Variants in TCERG1 observed in about 807,000 individuals in gnomAD.
TCERG1 encodes the protein transcription elongation regulator 1, also known as TATA box binding protein (TBP)-associated factor, RNA polymerase II, S, 150kD.
In TCERG1, 37 loss-of-function variants were observed where a neutral mutation model predicts 144.7. The observed-to-expected ratio is 0.26, with a 90% CI of 0.20 to 0.34. TCERG1 has a LOEUF of 0.34. TCERG1 is among the 10% of genes least tolerant of loss of function. The pLI is 1.00. For synonymous variants in TCERG1, 492 were observed against 458.2 expected, an observed-to-expected ratio of 1.07 and a Z score of -0.94; for missense variants, 1,027 against 1,380.7, an observed-to-expected ratio of 0.74 and a Z score of 4.06.
chr5:146,489,874 C>T (rs1766229798), intron 15 of TCERG1, among the ~76,000 whole-genome samples: 1 of 152,044 alleles, frequency 6.6e-6, no homozygotes, highest in Non-Finnish European at 1.5e-5. Context: ...GAAAGCATGA[C>T]ACAAATTAGG....
intron 15 of TCERG1, among the ~76,000 whole-genome samples, chr5:146,483,864 A>G (rs954211528): frequency 6.6e-6 from 1 of 152,120 alleles, no homozygotes; most frequent in Non-Finnish European, 1.5e-5. Flanking sequence ...CTTATGCCTC[A>G]TATACCTAGG....
At chr5:146,448,373 AT>A (rs1250256480) in intron 1 of TCERG1, among the ~76,000 whole-genome samples, 1 of 152,210 alleles carries the variant, frequency 6.6e-6, no homozygotes, top group Non-Finnish European at 1.5e-5. Context: ...TGTAATTAAA[AT>A]TTGGTAAAAT....
At chr5:146,498,420 T>G (rs1767133019) in intron 16 of TCERG1, 116 bp from the exon 17 acceptor site, 1 of 1,081,546 alleles carries the variant, frequency 9.2e-7, no homozygotes, top group Non-Finnish European at 1.3e-6. Flanking sequence ...TAGGTAGATG[T>G]TGAGTCCCAG....
intron 17 of TCERG1, among the ~76,000 whole-genome samples, chr5:146,501,460 A>G (rs1489182265): frequency 2.0e-5 from 3 of 152,248 alleles, no homozygotes; most frequent in Non-Finnish European, 2.9e-5. Flanking sequence ...TTAAAAACCT[A>G]TATGATAATC....
At chr5:146,449,465 C>T (rs969608223) in intron 1 of TCERG1, among the ~76,000 whole-genome samples, 1 of 152,198 alleles carries the variant, frequency 6.6e-6, no homozygotes, top group African/African-American at 2.4e-5. Context: ...GTGACTTACA[C>T]AAGGTCACTG....
chr5:146,482,499 TGA>T (rs1765447170), intron 13 of TCERG1, 91 bp from the exon 14 acceptor site: 1 of 1,309,770 alleles, frequency 7.6e-7, no homozygotes, highest in East Asian at 2.5e-5. Context: ...TGCTCAGTAG[TGA>T]GTCTTGAAAA....
intron 9 of TCERG1, among the ~76,000 whole-genome samples, chr5:146,475,838 T>C (rs781407249): frequency 1.2e-4 from 19 of 152,198 alleles, no homozygotes; most frequent in Non-Finnish European, 2.5e-4. Flanking sequence ...AGGTACAAAT[T>C]GTATAGGAAG....
At chr5:146,500,540 T>C (rs749339479) in intron 17 of TCERG1, among the ~76,000 whole-genome samples, 3 of 152,214 alleles carry the variant, frequency 2.0e-5, no homozygotes, top group Non-Finnish European at 4.4e-5. Context: ...AATCAATAGC[T>C]GAACACTAAA....
rs766268637 is a variant in TCERG1 at position 146,507,030 on chromosome 5, A to G, written c.2784A>G (p.Val928=). 2.5e-6 allele frequency: 4 copies of G among 1,570,582 alleles called. No individual in the cohort carries two copies. Among genetic ancestry groups the G allele is most frequent in the East Asian group, 4.5e-5 (2 of 44,248 alleles). ...QNFKALLSDM[V]RSSDVSWSDT... is the part of the protein sequence containing the mutation. ...TATATATAATTTTTTCTCTTCAGGT[A>G]CGTTCTTCAGATGTGTCATGGTCTG... Residue 928 remains valine, a splice_region_variant and synonymous_variant, in exon 20 of 23, where the codon GTA becomes GTG. Transcript: ENST00000679501. The surrounding 1 kb of genome is among the most constrained non-coding windows in gnomAD (Gnocchi z 4.6).
intron 2 of TCERG1, among the ~76,000 whole-genome samples, chr5:146,456,134 T>C (rs1762817296): frequency 6.6e-6 from 1 of 152,192 alleles, no homozygotes; most frequent in African/African-American, 2.4e-5. Flanking sequence ...TTAGGTAGGG[T>C]TGTGGTTATG....
chr5:146,505,629 C>T (rs1767914016), intron 19 of TCERG1: 2 of 152,114 alleles, frequency 1.3e-5, no homozygotes, highest in Admixed American at 1.3e-4. Flanking sequence ...GGGGTACGCT[C>T]AAGTATCTCT....
intron 9 of TCERG1, among the ~76,000 whole-genome samples, chr5:146,472,310 G>A (rs1764389420): frequency 6.6e-6 from 1 of 151,726 alleles, no homozygotes; most frequent in Admixed American, 6.6e-5. Context: ...AAAGTTTTGT[G>A]GCAACCCTGT....
intron 3 of TCERG1, among the ~76,000 whole-genome samples, chr5:146,458,366 C>G (rs1763015897): frequency 6.6e-6 from 1 of 151,676 alleles, no homozygotes; most frequent in Non-Finnish European, 1.5e-5. Context: ...TTAGTAGAGA[C>G]AGGGTTTTAC....
chr5:146,467,707 A>G (rs564090670), intron 5 of TCERG1, among the ~76,000 whole-genome samples: 12 of 152,330 alleles, frequency 7.9e-5, no homozygotes, highest in Non-Finnish European at 1.3e-4. Context: ...ATGGGGTTCC[A>G]TAGAGCAGGC....
chr5:146,480,770 T>C lies in TCERG1; in HGVS notation c.1887-380T>C, dbSNP rs960801731. On this transcript the variant is annotated intron_variant, in intron 12 of 22. Transcript: ENST00000679501. ...GGACAGATTGAATGCAGCCAAATTA[T>C]GGCAAAGAAATCAGTAGGACAACCC... Among the ~76,000 whole-genome samples the C allele has an allele frequency of 2.6e-5, 4 of 152,166 alleles. No homozygotes were observed. In the South Asian group the frequency reaches 6.2e-4, roughly 24 times the overall value.
intron 9 of TCERG1, among the ~76,000 whole-genome samples, chr5:146,474,743 A>G (rs186887954): frequency 2.0e-5 from 3 of 152,368 alleles, no homozygotes; most frequent in Admixed American, 2.0e-4. Context: ...CAAAAACATT[A>G]TGATGCCCTG....
Position 146,468,366 on chromosome 5 carries a change from C to T in TCERG1, c.1161C>T (p.Ser387=), listed in dbSNP as rs1195070661. The part of the protein sequence containing the change: ...LPGVAMMQIV[S]CPYVKTVATT... ...GTGTAGCAATGATGCAAATAGTCAG[C>T]TGCCCGTATGTAAAGACAGTCGCTA... Residue 387 remains serine (S), a synonymous_variant, in exon 6 of 23, where the codon AGC becomes AGT. Transcript: ENST00000679501. 6 of 1,610,172 alleles carry T rather than the reference C, an allele frequency of 3.7e-6. No homozygotes were observed. The highest frequency in any genetic ancestry group is 5.1e-6 in the Non-Finnish European group (6 of 1,178,224).
chr5:146,504,217 A>G (rs1296591125), intron 19 of TCERG1: 5 of 399,964 alleles, frequency 1.3e-5, no homozygotes, highest in Admixed American at 9.0e-5. Context: ...GGCATTTTGC[A>G]TATATGGAAA....
chr5:146,471,676 G>T, intron 9 of TCERG1, 100 bp downstream of exon 9: 1 of 894,462 alleles, frequency 1.1e-6, no homozygotes, highest in Non-Finnish European at 1.7e-6. Flanking sequence ...TGGGCTCACT[G>T]CAACCTCCAC....
Sources: gnomAD v4.1 joint callset for allele counts (sites outside exome capture counted in the v4.1 genomes callset) on GRCh38, gnomAD v4.1.1 for gene constraint, Gnocchi (gnomAD v3.1) non-coding constraint, MANE v1.5 for transcripts, NCBI Gene and HGNC (gene_info 2026-07-23, HGNC 2026-07-21) for gene names.